ARID4A: variants seen among roughly 807,000 people sequenced by gnomAD.
ARID4A encodes AT-rich interactive domain-containing protein 4A.
In ARID4A, 39 loss-of-function variants were observed where a neutral mutation model predicts 148.6. The ratio of observed to expected loss-of-function variants is 0.26; its 90% CI spans 0.20 to 0.34. ARID4A has a LOEUF of 0.34. Ranked by LOEUF, ARID4A falls within the 10% of genes least tolerant of loss-of-function variation. ARID4A has a pLI of 1.00. For synonymous variants in ARID4A, 475 were observed against 481.2 expected, an observed-to-expected ratio of 0.99 and a Z score of 0.17; for missense variants, 1,265 against 1,449.1, an observed-to-expected ratio of 0.87 and a Z score of 2.06.
chr14:58,350,541 T>G (rs2034589001), intron 15 of ARID4A, among the ~76,000 whole-genome samples: 1 of 152,210 alleles, frequency 6.6e-6, no homozygotes, highest in South Asian at 2.1e-4. Flanking sequence ...GTCTGCTCAC[T>G]TTTTTGCCAT....
At chr14:58,318,504 G>A (rs927636194) in intron 5 of ARID4A, 38 bp from the exon 6 acceptor site, 1 of 1,574,424 alleles carries the variant, frequency 6.4e-7, no homozygotes, top group Non-Finnish European at 8.7e-7. Flanking sequence ...TATTTCATTA[G>A]TGTGCATAAA....
intron 11 of ARID4A, among the ~76,000 whole-genome samples, chr14:58,344,042 T>G (rs556479908): frequency 6.6e-6 from 1 of 152,256 alleles, no homozygotes; most frequent in South Asian, 2.1e-4. Flanking sequence ...TGTTATCTTA[T>G]TTTTAGGTGT....
intron 20 of ARID4A, 67 bp downstream of exon 20, chr14:58,365,367 G>A: frequency 6.6e-7 from 1 of 1,505,624 alleles, no homozygotes; most frequent in African/African-American, 1.4e-5. Flanking sequence ...TGAGTTTCAG[G>A]TACTGTTGAT....
At chr14:58,343,778 C>T (rs1419158607) in intron 11 of ARID4A, among the ~76,000 whole-genome samples, 1 of 151,296 alleles carries the variant, frequency 6.6e-6, no homozygotes, top group Non-Finnish European at 1.5e-5. Flanking sequence ...TGCAGTGAGC[C>T]GAGGTCGTGC....
At position 58,347,806 on chromosome 14, in the gene ARID4A, G is replaced by A. The variant is rs770216201; in HGVS notation, c.1332G>A (p.Lys444=). 1.2e-5 allele frequency: 19 copies of A among 1,613,732 alleles called. No homozygotes were observed. The East Asian group carries it at 3.3e-4, about 28-fold the overall frequency. The change falls in exon 15 of 24, where the codon AAG becomes AAA. Residue 444 remains lysine, a synonymous_variant. Transcript: ENST00000355431. ...LDQEMPLTEV[K]SEPEENIDSN... is the part of the protein sequence containing the mutation. Reference sequence around the variant, plus strand: ...AAGAAATGCCTTTAACAGAAGTGAAGAGTGAACCTGAGGAAAATATCGATT... The same window carrying A: ...AAGAAATGCCTTTAACAGAAGTGAAAAGTGAACCTGAGGAAAATATCGATT...
At chr14:58,355,754 C>T (rs535295818) in intron 17 of ARID4A, among the ~76,000 whole-genome samples, 16 of 152,336 alleles carry the variant, frequency 1.1e-4, no homozygotes, top group Admixed American at 7.8e-4. Flanking sequence ...AGTTGCATCA[C>T]ATGATAGCCT....
chr14:58,332,001 C>G (rs1218266060), intron 11 of ARID4A, among the ~76,000 whole-genome samples: 1 of 145,986 alleles, frequency 6.8e-6, no homozygotes, highest in African/African-American at 2.5e-5. Flanking sequence ...CCCTACCCCC[C>G]CCCCCCCAAA....
At chr14:58,301,965 C>T (rs1222890744) in intron 3 of ARID4A, among the ~76,000 whole-genome samples, 1 of 152,124 alleles carries the variant, frequency 6.6e-6, no homozygotes, top group Non-Finnish European at 1.5e-5. Flanking sequence ...CTATTTTCTC[C>T]CCTCATTTAA....
At chr14:58,367,594 C>T (rs906466253) in intron 23 of ARID4A, among the ~76,000 whole-genome samples, 8 of 152,092 alleles carry the variant, frequency 5.3e-5, no homozygotes, top group South Asian at 2.1e-4. Context: ...ATGATATTAA[C>T]GAGTACAAGA....
chr14:58,335,996 A>G (rs137975584), intron 11 of ARID4A, among the ~76,000 whole-genome samples: 116 of 151,286 alleles, frequency 7.7e-4, no homozygotes, highest in Admixed American at 5.8e-3. Context: ...TGTTCTCTGT[A>G]CTGGATCTAC....
intron 4 of ARID4A, among the ~76,000 whole-genome samples, chr14:58,305,670 C>T (rs1243077431): frequency 2.6e-5 from 4 of 152,052 alleles, no homozygotes; most frequent in Non-Finnish European, 5.9e-5. Flanking sequence ...TTTTACAGTT[C>T]TTCGATTTAA....
At chr14:58,358,317 A>G (rs941054658) in intron 17 of ARID4A, among the ~76,000 whole-genome samples, 4 of 151,962 alleles carry the variant, frequency 2.6e-5, no homozygotes, top group Non-Finnish European at 5.9e-5. Context: ...AAAAATAAAA[A>G]ATTAGCGGGG....
chr14:58,342,208 A>C (rs2034148234), intron 11 of ARID4A, among the ~76,000 whole-genome samples: 1 of 152,242 alleles, frequency 6.6e-6, no homozygotes, highest in Non-Finnish European at 1.5e-5. Context: ...TTTTCACAGA[A>C]ACATCAGATA....
intron 5 of ARID4A, among the ~76,000 whole-genome samples, chr14:58,311,212 C>T (rs1189553105): frequency 6.6e-6 from 1 of 152,100 alleles, no homozygotes; most frequent in East Asian, 1.9e-4. Context: ...TGCCACTGCA[C>T]TCCAGCCTGG....
chr14:58,299,569 C>G (rs964915475), intron 1 of ARID4A: 1 of 539,570 alleles, frequency 1.9e-6, no homozygotes, highest in South Asian at 2.2e-5. Context: ...GAGGCGGGGG[C>G]GCGGTGGGCC....
At chr14:58,337,116 TCCTGG>T (rs2033856297) in intron 11 of ARID4A, among the ~76,000 whole-genome samples, 1 of 150,666 alleles carries the variant, frequency 6.6e-6, no homozygotes, top group Admixed American at 6.6e-5. Context: ...GGTCTCGAAC[TCCTGG>T]CCTCAAGTGA....
chr14:58,356,108 A>T (rs1270259351), intron 17 of ARID4A, among the ~76,000 whole-genome samples: 1 of 152,220 alleles, frequency 6.6e-6, no homozygotes, highest in South Asian at 2.1e-4. Flanking sequence ...CAAGTGTAAG[A>T]AGTGTGAGAA....
intron 6 of ARID4A, 39 bp from the exon 7 acceptor site, chr14:58,318,672 G>C: frequency 6.2e-7 from 1 of 1,612,912 alleles, no homozygotes; most frequent in East Asian, 2.2e-5. Flanking sequence ...TACTGATCTA[G>C]AGGTAAAACG....
At position 58,353,832 on chromosome 14, in the gene ARID4A, A is replaced by G; in HGVS notation, c.1830A>G (p.Val610=). Residue 610 remains valine (V), a synonymous_variant, in exon 17 of 24, where the codon GTA becomes GTG. Transcript: ENST00000355431. Reference sequence around the variant, plus strand: ...ATGACGGAGAAGTTTTATATTTGGTACATTACTATGGATGGAATGTCAGGT... The same window carrying G: ...ATGACGGAGAAGTTTTATATTTGGTGCATTACTATGGATGGAATGTCAGGT... ...EIDDGEVLYL[V]HYYGWNVRYD... The G allele has an allele frequency of 6.2e-7, 1 of 1,613,570 alleles. No homozygotes were observed. The highest frequency in any genetic ancestry group is 8.5e-7 in the Non-Finnish European group (1 of 1,179,862).
Sources: gnomAD v4.1 joint callset for allele counts (sites outside exome capture counted in the v4.1 genomes callset) on GRCh38, gnomAD v4.1.1 for gene constraint, MANE v1.5 for transcripts, NCBI Gene and HGNC (gene_info 2026-07-23, HGNC 2026-07-21) for gene names.